DSN1: variants seen among roughly 807,000 people sequenced by gnomAD.
The protein encoded by DSN1 is DSN1 component of MIS12 kinetochore complex.
Under a neutral mutation model 45.7 loss-of-function variants are expected in DSN1, and 31 were observed. The observed-to-expected ratio is 0.68, with a 90% CI of 0.51 to 0.92. DSN1 has a LOEUF of 0.92. Ranked by LOEUF, DSN1 falls within the 40% of genes least tolerant of loss-of-function variation. DSN1 has a pLI of 0.00. For missense variants in DSN1, 394 were observed against 414.2 expected (o/e 0.95, Z 0.42); for synonymous variants, 134 against 142.3 (o/e 0.94, Z 0.41).
At chr20:36,764,933 G>A (rs1462273781) in intron 5 of DSN1, among the ~76,000 whole-genome samples, 45 of 134,858 alleles carry the variant, frequency 3.3e-4, no homozygotes, top group African/African-American at 1.4e-3. Flanking sequence ...AAAAAAAAAA[G>A]AAAGAAAGTA....
At chr20:36,769,151 C>G (rs1987504715) in intron 3 of DSN1, among the ~76,000 whole-genome samples, 1 of 152,160 alleles carries the variant, frequency 6.6e-6, no homozygotes, top group South Asian at 2.1e-4. Context: ...AATCCCTAAC[C>G]AATCGCAAGA....
chr20:36,761,934 G>A (rs1403412653), intron 6 of DSN1, among the ~76,000 whole-genome samples: 5 of 151,866 alleles, frequency 3.3e-5, no homozygotes, highest in South Asian at 2.1e-4. Flanking sequence ...GTTTGAACCC[G>A]GGAGATGGAG....
chr20:36,763,197 A>C (rs1168849348), intron 5 of DSN1, among the ~76,000 whole-genome samples: 1 of 152,054 alleles, frequency 6.6e-6, no homozygotes, highest in African/African-American at 2.4e-5. Flanking sequence ...TGAGGTCAGG[A>C]GTTTGAGACC....
chr20:36,758,610 A>G lies in DSN1; in HGVS notation c.598T>C (p.Ser200Pro). The G allele has an allele frequency of 6.2e-7, 1 of 1,611,348 alleles. No individual in the cohort carries two copies. Among genetic ancestry groups the G allele is most frequent in the Non-Finnish European group, 8.5e-7 (1 of 1,179,356 alleles). ...KCFEDSNGKA[S>P]DFSLEASVAE... The stretch of plus-strand genomic sequence containing the variant: ...ACAGATGCTTCCAAAGAAAAATCTG[A>G]TGCTTTTCTGGAAAACAGATAGGAT... The change falls in exon 7 of 11, where the codon TCA (serine) becomes CCA (proline). Residue 200 changes from serine (S) to proline (P), a missense_variant. By Grantham distance (74) the Ser-to-Pro change is moderately conservative (BLOSUM62 -1). Coordinates refer to ENST00000373750, the MANE Select transcript of DSN1 (RefSeq NM_001145315.2).
chr20:36,773,388 C>A, intron 1 of DSN1: 1 of 985,570 alleles, frequency 1.0e-6, no homozygotes, highest in Non-Finnish European at 1.2e-6. Context: ...TCTACCCAGT[C>A]CTCACCCCTG....
intron 6 of DSN1, among the ~76,000 whole-genome samples, chr20:36,759,886 A>G (rs1986879555): frequency 6.6e-6 from 1 of 152,020 alleles, no homozygotes; most frequent in Admixed American, 6.6e-5. Context: ...TCCAATTCAC[A>G]TCATGGCCAG....
At chr20:36,767,873 G>A (rs566874534) in intron 4 of DSN1, 96 bp downstream of exon 4, 26 of 1,275,772 alleles carry the variant, frequency 2.0e-5, no homozygotes, top group Non-Finnish European at 2.8e-5. Flanking sequence ...CTGCACTCCA[G>A]CCTGGGTGAC....
At chr20:36,765,720 C>T (rs1987285452) in intron 5 of DSN1, among the ~76,000 whole-genome samples, 1 of 150,952 alleles carries the variant, frequency 6.6e-6, no homozygotes, top group African/African-American at 2.4e-5. Context: ...ATGGCATGAA[C>T]CCGGGAGGCG....
At chr20:36,753,731 G>C (rs1305955710) in intron 10 of DSN1, among the ~76,000 whole-genome samples, 1 of 151,708 alleles carries the variant, frequency 6.6e-6, no homozygotes, top group Non-Finnish European at 1.5e-5. Context: ...TGGAGGCTGG[G>C]AGCAGTGGCT....
chr20:36,753,483 C>G (rs537067210), intron 10 of DSN1, among the ~76,000 whole-genome samples: 1 of 148,556 alleles, frequency 6.7e-6, no homozygotes, highest in East Asian at 2.0e-4. Context: ...ACTAAAAATA[C>G]AAAAATTAGC....
At chr20:36,769,167 A>G (rs535792833) in intron 3 of DSN1, among the ~76,000 whole-genome samples, 26 of 152,194 alleles carry the variant, frequency 1.7e-4, no homozygotes, top group Non-Finnish European at 2.8e-4. Context: ...CAAGATGTAG[A>G]TACCGTTTTT....
At chr20:36,760,797 G>A (rs954414704) in intron 6 of DSN1, among the ~76,000 whole-genome samples, 4 of 152,168 alleles carry the variant, frequency 2.6e-5, no homozygotes, top group Non-Finnish European at 5.9e-5. Flanking sequence ...GGCTGAGGCA[G>A]GAGAATCACT....
At chr20:36,758,956 G>A (rs1217385659) in intron 6 of DSN1, among the ~76,000 whole-genome samples, 3 of 151,434 alleles carry the variant, frequency 2.0e-5, no homozygotes, top group Non-Finnish European at 4.4e-5. Context: ...CAAAGTGCTG[G>A]GATTACAGGC....
intron 3 of DSN1, 75 bp from the exon 4 acceptor site, chr20:36,768,117 C>T: frequency 7.0e-7 from 1 of 1,436,364 alleles, no homozygotes. Context: ...GAAAAATGTC[C>T]TCCCTCTTGA....
At chr20:36,760,096 T>C (rs1035919848) in intron 6 of DSN1, among the ~76,000 whole-genome samples, 1 of 151,118 alleles carries the variant, frequency 6.6e-6, no homozygotes, top group African/African-American at 2.4e-5. Flanking sequence ...ATACAAAAAT[T>C]AGCCAGGCAT....
intron 9 of DSN1, 38 bp from the exon 10 acceptor site, chr20:36,754,888 T>C (rs1264440874): frequency 6.4e-7 from 1 of 1,573,786 alleles, no homozygotes; most frequent in Non-Finnish European, 8.7e-7. Flanking sequence ...TAAAGGTCCA[T>C]GGCTTCTTGG....
chr20:36,755,010 C>T (rs1459664840), intron 9 of DSN1, among the ~76,000 whole-genome samples, 160 bp from the exon 10 acceptor site: 1 of 152,146 alleles, frequency 6.6e-6, no homozygotes, highest in Non-Finnish European at 1.5e-5. Context: ...AAAGTCACAC[C>T]ACATTCTTCT....
At chr20:36,753,916 G>A (rs998812131) in intron 10 of DSN1, among the ~76,000 whole-genome samples, 1 of 151,436 alleles carries the variant, frequency 6.6e-6, no homozygotes, top group Admixed American at 6.6e-5. Flanking sequence ...TGAGGCAGAA[G>A]AATCCCTTGA....
Position 36,764,207 on chromosome 20 carries a change from C to G in DSN1, c.503-1659G>C, listed in dbSNP as rs573280765. Among the ~76,000 whole-genome samples the G allele has an allele frequency of 7.4e-5, 11 of 149,486 alleles. No homozygotes were observed. In the Admixed American group the frequency reaches 7.4e-4, roughly 10 times the overall value. On this transcript the variant is annotated intron_variant, in intron 5 of 10. Coordinates refer to ENST00000373750, the MANE Select transcript of DSN1 (RefSeq NM_001145315.2). ...GTGTACTCCAGCCTGGGCAACAGAG[C>G]GAGATCCTGTCTCAAAAAAAAAAAA... is the stretch of plus-strand genomic sequence containing the variant.
Sources: allele counts gnomAD v4.1 joint callset (sites outside exome capture counted in the v4.1 genomes callset), GRCh38; gene constraint gnomAD v4.1.1; transcripts MANE v1.5; gene names NCBI Gene and HGNC (gene_info 2026-07-23, HGNC 2026-07-21).